Variants in GRM7 observed in about 807,000 individuals in gnomAD.
The protein encoded by GRM7 is glutamate metabotropic receptor 7.
In GRM7, 35 loss-of-function variants were observed where a neutral mutation model predicts 84.5. That is an observed-to-expected ratio of 0.41 (90% CI 0.32 to 0.55). GRM7 has a LOEUF of 0.55. GRM7 is among the 20% of genes least tolerant of loss of function. The pLI is 0.19. For missense variants in GRM7, 1,003 were observed against 1,194.6 expected (o/e 0.84, Z 2.36); for synonymous variants, 487 against 455.1 (o/e 1.07, Z -0.89).
At chr3:7,654,187 A>G (rs1473568565) in intron 8 of GRM7, among the ~76,000 whole-genome samples, 1 of 152,150 alleles carries the variant, frequency 6.6e-6, no homozygotes, top group African/African-American at 2.4e-5. Context: ...TTTGAAAAAG[A>G]CCTTTGCGCA....
At chr3:7,005,664 C>T (rs1463844147) in intron 1 of GRM7, among the ~76,000 whole-genome samples, 2 of 152,088 alleles carry the variant, frequency 1.3e-5, no homozygotes, top group African/African-American at 2.4e-5. Flanking sequence ...TGTTAGTAAG[C>T]CTCTTGCAAT....
At chr3:7,664,339 C>T (rs1318870944) in intron 8 of GRM7, among the ~76,000 whole-genome samples, 1 of 152,182 alleles carries the variant, frequency 6.6e-6, no homozygotes, top group Non-Finnish European at 1.5e-5. Context: ...CTTGACTGCA[C>T]TTCCCAGGAT....
At chr3:7,629,375 C>G (rs952608424) in intron 8 of GRM7, among the ~76,000 whole-genome samples, 1 of 152,132 alleles carries the variant, frequency 6.6e-6, no homozygotes, top group African/African-American at 2.4e-5. Flanking sequence ...AATGAGGATG[C>G]CAGCAGGGTT....
At chr3:7,008,749 C>T (rs886638126) in intron 1 of GRM7, among the ~76,000 whole-genome samples, 4 of 152,160 alleles carry the variant, frequency 2.6e-5, no homozygotes, top group African/African-American at 9.7e-5. Flanking sequence ...TAGACTCACA[C>T]AATAATCTCC....
intron 7 of GRM7, among the ~76,000 whole-genome samples, chr3:7,477,683 C>T (rs1344708103): frequency 2.0e-5 from 3 of 152,126 alleles, no homozygotes; most frequent in Admixed American, 2.0e-4. Flanking sequence ...GAAGAAACAT[C>T]ACCATATGTT....
chr3:6,990,451 CT>C (rs1694592155), intron 1 of GRM7, among the ~76,000 whole-genome samples: 1 of 151,938 alleles, frequency 6.6e-6, no homozygotes, highest in Non-Finnish European at 1.5e-5. Flanking sequence ...CAAAATAAAC[CT>C]TTTTTGTTCA....
intron 1 of GRM7, among the ~76,000 whole-genome samples, chr3:6,873,783 C>T (rs1374953354): frequency 6.6e-6 from 1 of 152,220 alleles, no homozygotes; most frequent in East Asian, 1.9e-4. Flanking sequence ...TGGTATCTGA[C>T]CCCTAGTCAT....
At position 7,166,073 on chromosome 3, in the gene GRM7, G is replaced by A. The variant is rs566258161; in HGVS notation, c.736+19405G>A. ...TGAAAGTTCATTGATTTGGCTAAGG[G>A]TTATGGTGTCAGTTTCAGAATTAAA... is the stretch of plus-strand genomic sequence containing the variant. On this transcript the variant is annotated intron_variant, in intron 2 of 9. Coordinates refer to ENST00000357716, the MANE Select transcript of GRM7 (RefSeq NM_000844.4). 7.9e-5 allele frequency among the ~76,000 whole-genome samples: 12 copies of A among 152,220 alleles called. No individual in the cohort carries two copies. In the South Asian group the frequency reaches 2.3e-3, roughly 29 times the overall value.
chr3:6,957,042 G>A (rs549932053), intron 1 of GRM7, among the ~76,000 whole-genome samples: 4 of 152,222 alleles, frequency 2.6e-5, no homozygotes, highest in South Asian at 2.1e-4. Flanking sequence ...TAGATATAGC[G>A]TTATAATTTT....
At chr3:7,465,830 T>C (rs937860688) in intron 7 of GRM7, among the ~76,000 whole-genome samples, 4 of 152,110 alleles carry the variant, frequency 2.6e-5, no homozygotes, top group African/African-American at 9.7e-5. Flanking sequence ...GAATCCCAGC[T>C]CTGTAGATCA....
At chr3:7,568,556 A>G (rs1490393049) in intron 7 of GRM7, among the ~76,000 whole-genome samples, 1 of 152,226 alleles carries the variant, frequency 6.6e-6, no homozygotes, top group Non-Finnish European at 1.5e-5. Flanking sequence ...TGGGCTGGCC[A>G]AGGCCGGAGC....
intron 8 of GRM7, among the ~76,000 whole-genome samples, chr3:7,582,704 C>T (rs568173529): frequency 2.2e-4 from 33 of 152,160 alleles, no homozygotes; most frequent in African/African-American, 7.2e-4. Context: ...CCACGGGAGC[C>T]TTCGGTCACT....
At chr3:7,170,167 A>T (rs939195372) in intron 2 of GRM7, among the ~76,000 whole-genome samples, 1 of 152,160 alleles carries the variant, frequency 6.6e-6, no homozygotes, top group Admixed American at 6.5e-5. Flanking sequence ...CTCCATCTGG[A>T]GGAGAACTGG....
At chr3:7,597,287 C>T (rs1009619038) in intron 8 of GRM7, among the ~76,000 whole-genome samples, 1 of 152,092 alleles carries the variant, frequency 6.6e-6, no homozygotes, top group African/African-American at 2.4e-5. Flanking sequence ...AACCCACTAG[C>T]TATTGCAAAG....
At chr3:7,052,508 C>T (rs1697044413) in intron 1 of GRM7, among the ~76,000 whole-genome samples, 2 of 151,482 alleles carry the variant, frequency 1.3e-5, no homozygotes, top group African/African-American at 2.4e-5. Flanking sequence ...CTTCCATTGT[C>T]CTCCAATTTT....
intron 1 of GRM7, among the ~76,000 whole-genome samples, chr3:6,951,803 C>G (rs192210700): frequency 4.0e-4 from 61 of 152,252 alleles, no homozygotes; most frequent in Non-Finnish European, 7.6e-4. Flanking sequence ...GGGTAAAAGT[C>G]CAGTGTACCC....
intron 8 of GRM7, among the ~76,000 whole-genome samples, chr3:7,666,102 G>C (rs1026073888): frequency 2.0e-5 from 3 of 152,162 alleles, no homozygotes; most frequent in Non-Finnish European, 4.4e-5. Context: ...AATGAAAAGA[G>C]CAGGCTGCTC....
intron 1 of GRM7, among the ~76,000 whole-genome samples, chr3:6,941,262 G>T (rs1342519713): frequency 6.6e-6 from 1 of 152,148 alleles, no homozygotes; most frequent in Non-Finnish European, 1.5e-5. Context: ...ACTTAGAACT[G>T]TCTTGAAGAA....
chr3:7,071,753 ATTTTTGG>A (rs1482803170), intron 1 of GRM7, among the ~76,000 whole-genome samples: 4 of 152,216 alleles, frequency 2.6e-5, no homozygotes, highest in African/African-American at 9.6e-5. Flanking sequence ...ATTAAATATT[ATTTTTGG>A]TATCAATCAA....
Sources: allele counts gnomAD v4.1 joint callset (sites outside exome capture counted in the v4.1 genomes callset), GRCh38; gene constraint gnomAD v4.1.1; transcripts MANE v1.5; gene names NCBI Gene and HGNC (gene_info 2026-07-23, HGNC 2026-07-21).